The following KIF1B variants were observed in gnomAD, a reference collection of about 807,000 sequenced individuals.
KIF1B encodes kinesin family member 1B.
A neutral mutation model predicts 241.9 loss-of-function variants in KIF1B; 76 were observed. That is an observed-to-expected ratio of 0.31 (90% confidence interval 0.26 to 0.38). The LOEUF is 0.38. Ranked by LOEUF, KIF1B falls within the 10% of genes least tolerant of loss-of-function variation. The pLI is 1.00. For synonymous variants in KIF1B, 750 were observed against 796.7 expected, an observed-to-expected ratio of 0.94 and a Z score of 0.99; for missense variants, 1,622 against 2,271.4, an observed-to-expected ratio of 0.71 and a Z score of 5.81.
At chr1:10,217,422 A>G (rs1342933257) in intron 1 of KIF1B, among the ~76,000 whole-genome samples, 2 of 148,982 alleles carry the variant, frequency 1.3e-5, no homozygotes, top group South Asian at 2.1e-4. Context: ...GGTTCAAGCA[A>G]TTCTCCTGCC....
chr1:10,375,927 G>A (rs558509499), intron 48 of KIF1B, among the ~76,000 whole-genome samples: 334 of 150,322 alleles, frequency 2.2e-3, no homozygotes, highest in Non-Finnish European at 3.8e-3. Context: ...CTCCTGAGTA[G>A]CTAGGATTAC....
At chr1:10,239,198 C>T (rs987543118) in intron 2 of KIF1B, among the ~76,000 whole-genome samples, 1 of 152,124 alleles carries the variant, frequency 6.6e-6, no homozygotes, top group African/African-American at 2.4e-5. Context: ...AAGTGATCTG[C>T]CCGTTCTTTC....
At chr1:10,336,806 T>G (rs1652198073) in intron 29 of KIF1B, 64 bp downstream of exon 29, 7 of 1,446,380 alleles carry the variant, frequency 4.8e-6, no homozygotes, top group African/African-American at 1.4e-5. Flanking sequence ...GCATTGGAGA[T>G]CAGTTCTCCT....
intron 1 of KIF1B, among the ~76,000 whole-genome samples, chr1:10,222,382 G>C (rs1646856985): frequency 6.6e-6 from 1 of 152,156 alleles, no homozygotes; most frequent in Non-Finnish European, 1.5e-5. Context: ...AGGTAGGTTG[G>C]ATTGTGGAGG....
At chr1:10,216,385 G>A (rs1557641184) in intron 1 of KIF1B, among the ~76,000 whole-genome samples, 1 of 152,092 alleles carries the variant, frequency 6.6e-6, no homozygotes, top group African/African-American at 2.4e-5. Flanking sequence ...CTCCTAAACC[G>A]TCGGCCTCTT....
intron 28 of KIF1B, among the ~76,000 whole-genome samples, chr1:10,336,314 A>G (rs922433246): frequency 6.6e-6 from 1 of 151,986 alleles, no homozygotes; most frequent in Non-Finnish European, 1.5e-5. Context: ...ACGCCCGGCT[A>G]ATTTTTGTAT....
chr1:10,230,499 G>A (rs1448415767), intron 1 of KIF1B, among the ~76,000 whole-genome samples: 4 of 150,434 alleles, frequency 2.7e-5, no homozygotes, highest in Admixed American at 2.0e-4. Context: ...GCAGTGGTGC[G>A]ATCTCAGCTC....
intron 27 of KIF1B, among the ~76,000 whole-genome samples, chr1:10,327,274 C>T (rs1012696925): frequency 3.3e-5 from 5 of 151,834 alleles, no homozygotes; most frequent in African/African-American, 4.8e-5. Context: ...CCAAGGCGGC[C>T]GGGTCACCTG....
chr1:10,281,156 C>T (rs1267298683), intron 14 of KIF1B, among the ~76,000 whole-genome samples: 1 of 152,088 alleles, frequency 6.6e-6, no homozygotes, highest in Non-Finnish European at 1.5e-5. Flanking sequence ...TGAGTAAGCC[C>T]AGGGAGAACT....
intron 22 of KIF1B, 113 bp downstream of exon 22, chr1:10,297,359 C>T (rs1407572554): frequency 1.1e-6 from 1 of 891,030 alleles, no homozygotes. Context: ...TGATACCAAG[C>T]ACTATTCTTT....
chr1:10,226,551 A>G (rs1337290398), intron 1 of KIF1B, among the ~76,000 whole-genome samples: 1 of 152,206 alleles, frequency 6.6e-6, no homozygotes, highest in Non-Finnish European at 1.5e-5. Context: ...GTTTTTTAAA[A>G]TTTAAATATC....
At chr1:10,313,713 G>T (rs1000971525) in intron 22 of KIF1B, among the ~76,000 whole-genome samples, 1 of 150,338 alleles carries the variant, frequency 6.7e-6, no homozygotes, top group Non-Finnish European at 1.5e-5. Context: ...ACCACACCCG[G>T]CTAATTTTTT....
rs375819796 is a variant in KIF1B, at chr1:10,226,257, G to GT, written c.-79-5992dup. 1.7e-3 allele frequency among the ~76,000 whole-genome samples: 264 copies of GT among 152,322 alleles called. 1 individual carries two copies. Among genetic ancestry groups the GT allele is most frequent in the African/African-American group, 5.9e-3 (245 of 41,576 alleles). The stretch of plus-strand genomic sequence containing the variant: ...AAATAGAAAGGAGGCCAAAGAGCTG[G>GT]TATTGTTTTGGGGATAGAGGTTTCG... On this transcript the variant is annotated intron_variant, in intron 1 of 48. Transcript: ENST00000676179.
Position 10,378,139 on chromosome 1 carries a change from T to C in KIF1B, c.*1552T>C, listed in dbSNP as rs572677242. The C allele has an allele frequency of 3.4e-6, 2 of 588,300 alleles. No homozygotes were observed. Among genetic ancestry groups the C allele is most frequent in the Non-Finnish European group, 3.0e-6 (1 of 330,516 alleles). The allele number at this position is 588,300 out of a possible 1,614,324, so 36.4% of individuals were successfully genotyped here. Reference sequence around the variant, plus strand: ...ATAAGCAAATGTGGCAGGCTTTGCTTTCTGGATCCCAGGATTAAAACTAAC... The same window carrying C: ...ATAAGCAAATGTGGCAGGCTTTGCTCTCTGGATCCCAGGATTAAAACTAAC... On this transcript the variant is annotated 3_prime_UTR_variant, in exon 49 of 49. Transcript: ENST00000676179.
chr1:10,301,406 C>T (rs1355491321), intron 22 of KIF1B, among the ~76,000 whole-genome samples: 1 of 152,020 alleles, frequency 6.6e-6, no homozygotes, highest in East Asian at 1.9e-4. Flanking sequence ...TGGCTCACCC[C>T]TGTAATCCCA....
intron 43 of KIF1B, among the ~76,000 whole-genome samples, chr1:10,366,727 C>T (rs1185516618): frequency 6.6e-6 from 1 of 152,168 alleles, no homozygotes; most frequent in Non-Finnish European, 1.5e-5. Context: ...AATCCCACCA[C>T]TTTGAGAGGC....
chr1:10,304,373 G>C (rs764458505), intron 22 of KIF1B: 29 of 1,614,070 alleles, frequency 1.8e-5, no homozygotes, highest in Non-Finnish European at 2.4e-5. Flanking sequence ...AAAAGTACGC[G>C]CTGCCAGGCA....
chr1:10,341,486 G>A lies in KIF1B; in HGVS notation c.3514-564G>A, dbSNP rs1557725080. 2.6e-5 allele frequency among the ~76,000 whole-genome samples: 4 copies of A among 152,360 alleles called. No individual in the cohort carries two copies. The South Asian group carries it at 6.2e-4, about 24-fold the overall frequency. ...CAGGTGAAAGGAGCAGCAGGTGAGT[G>A]AGTGAGCCAGAATAGTAAGTGTGGG... On this transcript the variant is annotated intron_variant, in intron 32 of 48. Coordinates refer to ENST00000676179, the MANE Select transcript of KIF1B (RefSeq NM_001365951.3).
intron 4 of KIF1B, among the ~76,000 whole-genome samples, chr1:10,260,710 C>T (rs1030546919): frequency 2.6e-5 from 4 of 151,270 alleles, no homozygotes; most frequent in African/African-American, 9.7e-5. Flanking sequence ...ACTAAAAATA[C>T]AAAAAAATGA....
Sources: gnomAD v4.1 joint callset for allele counts (sites outside exome capture counted in the v4.1 genomes callset) on GRCh38, gnomAD v4.1.1 for gene constraint, MANE v1.5 for transcripts, NCBI Gene and HGNC (gene_info 2026-07-23, HGNC 2026-07-21) for gene names.